Variants in ERBIN observed in about 807,000 individuals in gnomAD.
The protein encoded by ERBIN is erbb2 interacting protein.
A neutral mutation model predicts 158.4 loss-of-function variants in ERBIN; 60 were observed. The observed-to-expected ratio is 0.38, with a 90% CI of 0.31 to 0.47. The LOEUF is 0.47. Among genes scored for constraint, ERBIN ranks in the 20% least tolerant of loss-of-function variants. The probability of loss-of-function intolerance (pLI) is 0.99; values close to 1 mark genes in which losing one functional copy is unlikely to be tolerated. For synonymous variants in ERBIN, 594 were observed against 557.2 expected (o/e 1.07, Z -0.93); for missense variants, 1,610 against 1,648.0 (o/e 0.98, Z 0.40).
At chr5:65,968,623 C>T (rs1347369039) in intron 1 of ERBIN, among the ~76,000 whole-genome samples, 1 of 152,102 alleles carries the variant, frequency 6.6e-6, no homozygotes, top group Non-Finnish European at 1.5e-5. Flanking sequence ...TGCAGTGGCC[C>T]GATCTTGGCT....
In ERBIN at chr5:66,048,692, A is replaced by G; in HGVS notation, c.1814A>G (p.Glu605Gly). 3 of 1,608,272 alleles carry G rather than the reference A, an allele frequency of 1.9e-6. No individual in the cohort carries two copies. Among genetic ancestry groups the G allele is most frequent in the Non-Finnish European group, 2.5e-6 (3 of 1,177,380 alleles). The change falls in exon 19 of 26, where the codon GAA (glutamate) becomes GGA (glycine). Residue 605 changes from glutamate to glycine, a missense_variant. This residue lies in a region of ERBIN where 596 missense variants were observed against 711.9 expected (regional missense o/e 0.84). Transcript: ENST00000284037. ...FEESEELSSDEEMKMAEMRPP... is the reference protein window; with the variant it reads ...FEESEELSSDGEMKMAEMRPP... Reference sequence around the variant, plus strand: ...GAATCTGAAGAACTTTCTTCTGATGAAGAGATGAAAATGGCGGAGATGCGA... The same window carrying G: ...GAATCTGAAGAACTTTCTTCTGATGGAGAGATGAAAATGGCGGAGATGCGA...
Position 66,081,578 on chromosome 5 carries a change from G to C in ERBIN, c.*3048G>C, listed in dbSNP as rs780189040. On this transcript the variant is annotated 3_prime_UTR_variant, in exon 26 of 26. Transcript: ENST00000284037. The stretch of plus-strand genomic sequence containing the variant: ...TTAAACTGGTTTATTTACAAAATTC[G>C]GGGTTAGAGAAATTCTCATGAAAAA... The C allele has an allele frequency of 6.6e-6, 1 of 151,930 alleles. No homozygotes were observed. Among genetic ancestry groups the C allele is most frequent in the East Asian group, 1.9e-4 (1 of 5,190 alleles). The allele number at this position is 151,930 out of a possible 1,614,324, so 9.4% of individuals were successfully genotyped here.
At chr5:66,059,166 T>C (rs547800998) in intron 21 of ERBIN, among the ~76,000 whole-genome samples, 1 of 152,362 alleles carries the variant, frequency 6.6e-6, no homozygotes, top group East Asian at 1.9e-4. Flanking sequence ...TTCCTACCCA[T>C]GAGTATGAGA....
chr5:66,016,306 T>C (rs542998876), intron 7 of ERBIN, among the ~76,000 whole-genome samples: 1 of 152,358 alleles, frequency 6.6e-6, no homozygotes, highest in Non-Finnish European at 1.5e-5. Context: ...AATTGTTTAC[T>C]GTGATAGCTA....
chr5:65,963,896 T>C (rs1748225450), intron 1 of ERBIN, among the ~76,000 whole-genome samples: 1 of 151,332 alleles, frequency 6.6e-6, no homozygotes, highest in Non-Finnish European at 1.5e-5. Context: ...GTATTAAATA[T>C]AAAAGCCATT....
intron 6 of ERBIN, 131 bp downstream of exon 6, chr5:66,013,769 C>A: frequency 1.8e-6 from 1 of 567,158 alleles, no homozygotes; most frequent in Non-Finnish European, 3.1e-6. Context: ...AGCATTGTGA[C>A]TTTTATACTT....
intron 1 of ERBIN, among the ~76,000 whole-genome samples, chr5:65,949,081 G>A (rs1232396690): frequency 6.6e-6 from 1 of 151,992 alleles, no homozygotes; most frequent in Non-Finnish European, 1.5e-5. Flanking sequence ...GCTTCTTGAT[G>A]CAAAATCAAT....
chr5:65,931,843 G>A (rs1743439972), intron 1 of ERBIN, among the ~76,000 whole-genome samples: 1 of 147,088 alleles, frequency 6.8e-6, no homozygotes, highest in Non-Finnish European at 1.5e-5. Flanking sequence ...TTTTGAGATG[G>A]AGTTTGCTCT....
intron 21 of ERBIN, among the ~76,000 whole-genome samples, chr5:66,065,466 T>A (rs1760874335): frequency 1.3e-5 from 2 of 152,208 alleles, no homozygotes; most frequent in African/African-American, 4.8e-5. Context: ...CAAACATTTG[T>A]ACCTAGATTT....
chr5:65,984,174 C>T (rs951572328), intron 1 of ERBIN, among the ~76,000 whole-genome samples: 1 of 143,818 alleles, frequency 7.0e-6, no homozygotes, highest in Non-Finnish European at 1.5e-5. Context: ...CTTCGGGCCC[C>T]CTCAGTGAGG....
chr5:65,932,709 C>G (rs185676840), intron 1 of ERBIN, among the ~76,000 whole-genome samples: 2 of 152,272 alleles, frequency 1.3e-5, no homozygotes, highest in African/African-American at 2.4e-5. Flanking sequence ...TTTAAGCCCA[C>G]TTACTTGATT....
rs1328419127 is a variant in ERBIN, at chr5:65,997,540, ATGAG to A, written c.307+2679_307+2682del. On this transcript the variant is annotated intron_variant, in intron 4 of 25. Transcript: ENST00000284037. ...GAAATCAGCCCTTGAAATTTTTAGA[ATGAG>A]TGTGTATTTCTTTTATAATTACAAA... Among the ~76,000 whole-genome samples the A allele has an allele frequency of 2.0e-5, 3 of 152,194 alleles. 1 individual carries two copies. The highest frequency in any genetic ancestry group is 4.4e-5 in the Non-Finnish European group (3 of 68,026).
Position 66,048,127 on chromosome 5 carries a change from T to C in ERBIN, c.1789-540T>C, listed in dbSNP as rs114409804. On this transcript the variant is annotated intron_variant, in intron 18 of 25. Transcript: ENST00000284037. ...GTGAAAGAATGGCATTTGGAACATA[T>C]GGAAAATAACATTTTATGTTACTGA... is the stretch of plus-strand genomic sequence containing the variant. Among the ~76,000 whole-genome samples, 782 of 151,790 alleles carry C rather than the reference T, an allele frequency of 5.2e-3. 3 individuals carry two copies. Among genetic ancestry groups the C allele is most frequent in the African/African-American group, 0.018 (757 of 41,462 alleles).
chr5:65,937,314 T>C (rs2150861078), intron 1 of ERBIN, among the ~76,000 whole-genome samples: 1 of 152,378 alleles, frequency 6.6e-6, no homozygotes, highest in Non-Finnish European at 1.5e-5. Flanking sequence ...TTTTTAAATT[T>C]TGGCTTAAGG....
At chr5:65,939,502 C>T (rs903107689) in intron 1 of ERBIN, among the ~76,000 whole-genome samples, 31 of 151,644 alleles carry the variant, frequency 2.0e-4, no homozygotes, top group African/African-American at 5.6e-4. Flanking sequence ...GAGGTGCCTC[C>T]GCTCTCCCTC....
At chr5:66,076,495 G>A (rs1761998042) in intron 24 of ERBIN, 87 bp downstream of exon 24, 2 of 1,041,994 alleles carry the variant, frequency 1.9e-6, no homozygotes, top group South Asian at 1.4e-5. Flanking sequence ...TCTAATAGAT[G>A]TTTATGTAAA....
chr5:65,942,161 C>T (rs1360398961), intron 1 of ERBIN, among the ~76,000 whole-genome samples: 1 of 152,196 alleles, frequency 6.6e-6, no homozygotes, highest in African/African-American at 2.4e-5. Flanking sequence ...GGAGTACCAC[C>T]TCTTTTTTCT....
intron 4 of ERBIN, among the ~76,000 whole-genome samples, chr5:66,000,146 G>T (rs1443670928): frequency 6.6e-6 from 1 of 152,148 alleles, no homozygotes; most frequent in Non-Finnish European, 1.5e-5. Flanking sequence ...GATAATTTGG[G>T]TATTGATTAA....
chr5:65,934,129 G>A (rs1035618666), intron 1 of ERBIN, among the ~76,000 whole-genome samples: 2 of 152,096 alleles, frequency 1.3e-5, no homozygotes, highest in African/African-American at 4.8e-5. Flanking sequence ...ATCTCCTGAT[G>A]TCATGATTTG....
Sources: gnomAD v4.1 joint callset for allele counts (sites outside exome capture counted in the v4.1 genomes callset) on GRCh38, gnomAD v4.1.1 for gene constraint, gnomAD v4.1.1 regional missense constraint, MANE v1.5 for transcripts, NCBI Gene and HGNC (gene_info 2026-07-23, HGNC 2026-07-21) for gene names.